TBL1X: variants seen among roughly 807,000 people sequenced by gnomAD.
TBL1X encodes the protein F-box-like/WD repeat-containing protein TBL1X.
TBL1X carries 10 observed loss-of-function variants against 50.7 expected under a neutral mutation model. The observed-to-expected ratio is 0.20, with a 90% CI of 0.12 to 0.33. TBL1X has a LOEUF of 0.33. Among genes scored for constraint, TBL1X ranks in the 10% least tolerant of loss-of-function variants. The pLI, the probability that TBL1X is intolerant of heterozygous loss-of-function variation, is 1.00. For synonymous variants in TBL1X, 190 were observed against 214.7 expected (o/e 0.88, Z 1.01); for missense variants, 340 against 504.4 (o/e 0.67, Z 3.12).
intron 11 of TBL1X, among the ~76,000 whole-genome samples, chrX:9,694,999 A>AAATAAATAAATAAAG: frequency 1.1e-5 from 1 of 91,584 alleles, no homozygotes; most frequent in Non-Finnish European, 2.3e-5. Flanking sequence ...AATAAATAAA[A>AAATAAATAAATAAAG]TGATAGACTT....
At chrX:9,531,734 C>CT (rs201635802) in intron 2 of TBL1X, among the ~76,000 whole-genome samples, 4,525 of 104,830 alleles carry the variant, frequency 0.043, 262 homozygotes, top group African/African-American at 0.15. Context: ...ATGAGAGGCT[C>CT]TTTTTTTTTT....
intron 2 of TBL1X, among the ~76,000 whole-genome samples, chrX:9,554,985 A>C (rs1416391888): frequency 4.5e-5 from 5 of 112,317 alleles, no homozygotes; most frequent in African/African-American, 1.6e-4. Flanking sequence ...AAATCCAATC[A>C]TATAACCTGT....
At chrX:9,509,482 C>CTTT (rs63110360) in intron 2 of TBL1X, among the ~76,000 whole-genome samples, 1,833 of 63,515 alleles carry the variant, frequency 0.029, 174 homozygotes, top group African/African-American at 0.057. Context: ...TACAGAATCG[C>CTTT]TTTTTTTTTT....
At chrX:9,594,317 T>C (rs1025739813) in intron 2 of TBL1X, among the ~76,000 whole-genome samples, 1 of 112,622 alleles carries the variant, frequency 8.9e-6, no homozygotes, top group Admixed American at 9.3e-5. Flanking sequence ...GTTCTAGATA[T>C]CTTTATTTTA....
chrX:9,705,091 G>A lies in TBL1X; in HGVS notation c.1213G>A (p.Val405Ile), dbSNP rs372248427. Reference sequence around the variant, plus strand: ...GTGCAGGCTCGGCTGTGACCGCCCAGTCAAAACCTTCCAGGGACACACAGT... The same window carrying A: ...GTGCAGGCTCGGCTGTGACCGCCCAATCAAAACCTTCCAGGGACACACAGT... Reference protein sequence around the residue: ...HVCRLGCDRPVKTFQGHTNEV... With the variant: ...HVCRLGCDRPIKTFQGHTNEV... Residue 405 changes from valine to isoleucine, a missense_variant, in exon 13 of 18, where the codon GTC (valine) becomes ATC (isoleucine). Physicochemically the swap from Val to Ile is conservative, Grantham distance 29. Coordinates refer to ENST00000645353, the MANE Select transcript of TBL1X (RefSeq NM_005647.4). 8 of 1,210,746 alleles carry A rather than the reference G, an allele frequency of 6.6e-6. No individual in the cohort carries two copies. Among genetic ancestry groups the A allele is most frequent in the Non-Finnish European group, 8.9e-6 (8 of 895,444 alleles).
intron 2 of TBL1X, among the ~76,000 whole-genome samples, chrX:9,587,103 C>T (rs2082473993): frequency 8.9e-6 from 1 of 111,820 alleles, no homozygotes; most frequent in African/African-American, 3.3e-5. Flanking sequence ...GAGGGCTACC[C>T]GCGTGCAGCC....
rs780769050 is a variant in TBL1X, at chrX:9,685,029, G to A, written c.357+841G>A. Among the ~76,000 whole-genome samples the A allele has an allele frequency of 8.0e-5, 9 of 112,353 alleles. No individual in the cohort carries two copies. In the East Asian group the frequency reaches 1.1e-3, roughly 14 times the overall value. On this transcript the variant is annotated intron_variant, in intron 6 of 17. Transcript: ENST00000645353. ...GATCTCAAGGGATGCCTTCATTACC[G>A]GGCTCGTTGTAGAGCAGATGGGGTA... is the stretch of plus-strand genomic sequence containing the variant.
At chrX:9,594,012 ACT>A (rs766811794) in intron 2 of TBL1X, among the ~76,000 whole-genome samples, 1 of 111,082 alleles carries the variant, frequency 9.0e-6, no homozygotes, top group East Asian at 2.8e-4. Flanking sequence ...TGTAGCTGAA[ACT>A]CTGCCCCGCT....
At chrX:9,518,701 C>CT (rs1473696682) in intron 2 of TBL1X, among the ~76,000 whole-genome samples, 3 of 110,771 alleles carry the variant, frequency 2.7e-5, no homozygotes, top group East Asian at 5.7e-4. Flanking sequence ...GAAAGATGAC[C>CT]TTTGTTCATG....
intron 2 of TBL1X, among the ~76,000 whole-genome samples, chrX:9,557,833 G>A (rs1470228475): frequency 8.9e-6 from 1 of 112,016 alleles, no homozygotes; most frequent in African/African-American, 3.2e-5. Flanking sequence ...TTTAATGGGC[G>A]TGGAGAACCC....
intron 1 of TBL1X, among the ~76,000 whole-genome samples, chrX:9,492,183 C>T (rs1410480936): frequency 8.9e-6 from 1 of 111,745 alleles, no homozygotes; most frequent in Non-Finnish European, 1.9e-5. Context: ...CTTCCTGGCT[C>T]CCCATGTGGG....
intron 2 of TBL1X, among the ~76,000 whole-genome samples, chrX:9,563,856 G>T (rs1300953514): frequency 8.9e-6 from 1 of 112,423 alleles, no homozygotes; most frequent in African/African-American, 3.2e-5. Flanking sequence ...GGACTAGGGG[G>T]CAATGCAGAA....
intron 1 of TBL1X, among the ~76,000 whole-genome samples, chrX:9,496,392 G>A (rs1034438607): frequency 1.8e-5 from 2 of 112,785 alleles, no homozygotes; most frequent in African/African-American, 3.2e-5. Context: ...AAGGAGCATC[G>A]TGGATTTGCA....
intron 7 of TBL1X, among the ~76,000 whole-genome samples, chrX:9,690,484 T>C (rs1205054739): frequency 9.0e-6 from 1 of 111,438 alleles, no homozygotes; most frequent in Non-Finnish European, 1.9e-5. Context: ...AGGACACCAG[T>C]CCCACTGGGT....
chrX:9,660,697 A>T (rs1395674163), intron 5 of TBL1X, among the ~76,000 whole-genome samples: 1 of 112,014 alleles, frequency 8.9e-6, no homozygotes, highest in Non-Finnish European at 1.9e-5. Flanking sequence ...GAGCATCTAC[A>T]CTCTGGGCAC....
intron 1 of TBL1X, among the ~76,000 whole-genome samples, chrX:9,478,022 A>G (rs1367168160): frequency 8.9e-6 from 1 of 111,872 alleles, no homozygotes; most frequent in Non-Finnish European, 1.9e-5. Context: ...AGGTGGGGAA[A>G]GGGGAAAGAC....
chrX:9,491,338 A>ATATATTT (rs1328551249), intron 1 of TBL1X, among the ~76,000 whole-genome samples: 40 of 31,290 alleles, frequency 1.3e-3, no homozygotes, highest in African/African-American at 3.4e-3. Flanking sequence ...ATATATATAT[A>ATATATTT]TTTTTTTTTT....
At chrX:9,634,514 CTATTAT>C (rs199965867) in intron 2 of TBL1X, among the ~76,000 whole-genome samples, 4 of 111,029 alleles carry the variant, frequency 3.6e-5, no homozygotes, top group East Asian at 2.8e-4. Context: ...TACATGTTAG[CTATTAT>C]TATTATTATT....
intron 2 of TBL1X, among the ~76,000 whole-genome samples, chrX:9,552,475 C>T (rs887067883): frequency 2.7e-5 from 3 of 111,865 alleles, no homozygotes; most frequent in East Asian, 2.8e-4. Flanking sequence ...ACTTAAACCA[C>T]GACACTTCCA....
Sources: allele counts gnomAD v4.1 joint callset (sites outside exome capture counted in the v4.1 genomes callset), GRCh38; gene constraint gnomAD v4.1.1; transcripts MANE v1.5; gene names NCBI Gene and HGNC (gene_info 2026-07-23, HGNC 2026-07-21).